The following IQUB variants were observed in gnomAD, a reference collection of about 807,000 sequenced individuals.
IQUB encodes IQ motif and ubiquitin-like domain-containing protein.
Under a neutral mutation model 86.4 loss-of-function variants are expected in IQUB, and 86 were observed. That is an observed-to-expected ratio of 1.00 (90% CI 0.84 to 1.19). IQUB has a LOEUF of 1.19. Among genes scored for constraint, IQUB ranks in the 50% most tolerant of loss-of-function variants. The pLI, the probability that IQUB is intolerant of heterozygous loss-of-function variation, is 0.00. For missense variants in IQUB, 946 were observed against 916.9 expected (o/e 1.03, Z -0.41); for synonymous variants, 289 against 304.5 (o/e 0.95, Z 0.53).
In IQUB at chr7:123,498,004, G is replaced by A. The variant is rs1479579183; in HGVS notation, c.1024-1098C>T. 9.2e-5 allele frequency among the ~76,000 whole-genome samples: 14 copies of A among 151,708 alleles called. No individual in the cohort carries two copies. The East Asian group carries it at 2.7e-3, about 29-fold the overall frequency. On this transcript the variant is annotated intron_variant, in intron 6 of 12. Transcript: ENST00000324698. ...GGATAGGTTCCTCTAAAATAATTAGGCAAGGAGCAACAGAGATATTTGTCC... is the reference window on the plus strand; with the variant it reads ...GGATAGGTTCCTCTAAAATAATTAGACAAGGAGCAACAGAGATATTTGTCC...
intron 3 of IQUB, among the ~76,000 whole-genome samples, chr7:123,503,671 A>T (rs1298013876): frequency 6.6e-6 from 1 of 151,830 alleles, no homozygotes. Context: ...TTTTAAGGAG[A>T]TGGAAAATAT....
At chr7:123,462,855 T>TAAC (rs1251792882) in intron 10 of IQUB, 3 of 454,970 alleles carry the variant, frequency 6.6e-6, no homozygotes, top group Non-Finnish European at 8.8e-6. Flanking sequence ...AAGAAAAAAA[T>TAAC]AACTCATTCT....
chr7:123,524,682 T>C (rs1816852293), intron 1 of IQUB, among the ~76,000 whole-genome samples: 1 of 151,208 alleles, frequency 6.6e-6, no homozygotes, highest in African/African-American at 2.4e-5. Flanking sequence ...CCTAATTGAA[T>C]AGCCTTTATT....
intron 8 of IQUB, among the ~76,000 whole-genome samples, chr7:123,474,879 G>C (rs1340609774): frequency 4.6e-5 from 7 of 152,170 alleles, no homozygotes; most frequent in Non-Finnish European, 1.0e-4. Flanking sequence ...GTAACTGTGG[G>C]TTTAGAACTC....
intron 2 of IQUB, among the ~76,000 whole-genome samples, chr7:123,511,117 T>C (rs1275338276): frequency 6.6e-6 from 1 of 152,188 alleles, no homozygotes; most frequent in Non-Finnish European, 1.5e-5. Context: ...CCTTCTTTTC[T>C]TTCTTTACTT....
At chr7:123,519,435 A>G (rs1267784742) in intron 1 of IQUB, among the ~76,000 whole-genome samples, 1 of 152,248 alleles carries the variant, frequency 6.6e-6, no homozygotes, top group Admixed American at 6.5e-5. Context: ...AAAATGTGGC[A>G]TGTATACACA....
At chr7:123,465,471 T>C (rs897456038) in intron 9 of IQUB, among the ~76,000 whole-genome samples, 6 of 152,024 alleles carry the variant, frequency 3.9e-5, no homozygotes, top group African/African-American at 1.4e-4. Context: ...CATTGGCAAC[T>C]TCCTGTTTAA....
chr7:123,528,875 C>G lies in IQUB; in HGVS notation c.-5+5617G>C, dbSNP rs562795092. On this transcript the variant is annotated intron_variant, in intron 1 of 12. Coordinates refer to ENST00000324698, the MANE Select transcript of IQUB (RefSeq NM_178827.5). Reference sequence around the variant, plus strand: ...GCTAATTTTATTGGTTCCTAATACCCCCTCATATGTACATATTAATATGCT... The same window carrying G: ...GCTAATTTTATTGGTTCCTAATACCGCCTCATATGTACATATTAATATGCT... Among the ~76,000 whole-genome samples, 5 of 152,132 alleles carry G rather than the reference C, an allele frequency of 3.3e-5. No homozygotes were observed. In the South Asian group the frequency reaches 1.0e-3, roughly 32 times the overall value.
chr7:123,513,802 C>A (rs139865007), intron 1 of IQUB, among the ~76,000 whole-genome samples: 2 of 152,100 alleles, frequency 1.3e-5, no homozygotes, highest in Non-Finnish European at 2.9e-5. Flanking sequence ...GTATGTGCTA[C>A]CACACTCAGC....
chr7:123,463,797 T>A (rs752494823), intron 10 of IQUB, among the ~76,000 whole-genome samples: 25 of 151,776 alleles, frequency 1.6e-4, no homozygotes, highest in Non-Finnish European at 3.0e-4. Context: ...AATAAAATGA[T>A]ATAACATTAT....
At position 123,452,771 on chromosome 7, in the gene IQUB, A is replaced by ATCTT. The variant is rs1563420981; in HGVS notation, c.2344_2347dup (p.Ile783LysfsTer19). 2 of 1,613,166 alleles carry ATCTT rather than the reference A, an allele frequency of 1.2e-6. No individual in the cohort carries two copies. Among genetic ancestry groups the ATCTT allele is most frequent in the Non-Finnish European group, 1.7e-6 (2 of 1,179,458 alleles). On this transcript the variant is annotated frameshift_variant, in exon 13 of 13. Transcript: ENST00000324698. LOFTEE classifies it low-confidence loss of function (END_TRUNC). Reference sequence around the variant, plus strand: ...ATGAGGAGGCCTCTGGGATTCTATAATCTTAGGTGTTGTGTCTGAGTGATA... The same window carrying ATCTT: ...ATGAGGAGGCCTCTGGGATTCTATAATCTTTCTTAGGTGTTGTGTCTGAGTGATA...
intron 5 of IQUB, 36 bp from the exon 6 acceptor site, chr7:123,502,788 C>T: frequency 1.8e-5 from 26 of 1,476,988 alleles, no homozygotes; most frequent in Non-Finnish European, 1.9e-5. Context: ...ATCAGTATCC[C>T]CTATATATAT....
At position 123,510,027 on chromosome 7, in the gene IQUB, C is replaced by T; in HGVS notation, c.406G>A (p.Val136Ile). Reference sequence around the variant, plus strand: ...ATTTCCTGGCCCACTGGAATAAGTACAACTTTTACTGTAAATTAAATAGAA... The same window carrying T: ...ATTTCCTGGCCCACTGGAATAAGTATAACTTTTACTGTAAATTAAATAGAA... ...VEDSLATVKV[V>I]LIPVGQEIVI... is the part of the protein sequence containing the mutation. Residue 136 changes from valine to isoleucine, a missense_variant, in exon 3 of 13, where the codon GTA (valine) becomes ATA (isoleucine). By Grantham distance (29) the Val-to-Ile change is conservative (BLOSUM62 3). Transcript: ENST00000324698. The T allele has an allele frequency of 6.4e-7, 1 of 1,550,390 alleles. No individual in the cohort carries two copies. The highest frequency in any genetic ancestry group is 8.8e-7 in the Non-Finnish European group (1 of 1,137,258).
intron 7 of IQUB, among the ~76,000 whole-genome samples, chr7:123,489,940 C>T (rs1274870928): frequency 6.6e-6 from 1 of 151,550 alleles, no homozygotes; most frequent in South Asian, 2.1e-4. Flanking sequence ...AATTTAAATT[C>T]ATAATAGTAA....
At chr7:123,526,163 A>G (rs1248910231) in intron 1 of IQUB, among the ~76,000 whole-genome samples, 1 of 151,818 alleles carries the variant, frequency 6.6e-6, no homozygotes, top group African/African-American at 2.4e-5. Context: ...TGGTGCTGAA[A>G]AAAATGTATA....
At chr7:123,488,689 G>GT (rs1361074850) in intron 7 of IQUB, among the ~76,000 whole-genome samples, 18 of 152,202 alleles carry the variant, frequency 1.2e-4, no homozygotes, top group African/African-American at 4.3e-4. Context: ...AGAGCAATCA[G>GT]TATGAGGCCT....
At chr7:123,507,605 G>A (rs1462108507) in intron 3 of IQUB, among the ~76,000 whole-genome samples, 1 of 152,094 alleles carries the variant, frequency 6.6e-6, no homozygotes, top group Admixed American at 6.5e-5. Context: ...TGAGGGCCAG[G>A]TGCAGTGGCT....
chr7:123,479,142 C>T (rs1159184188), intron 8 of IQUB, among the ~76,000 whole-genome samples: 1 of 151,866 alleles, frequency 6.6e-6, no homozygotes, highest in African/African-American at 2.4e-5. Flanking sequence ...AGAAATGCAC[C>T]CCTTTTCTTC....
intron 1 of IQUB, among the ~76,000 whole-genome samples, chr7:123,518,498 T>G (rs1037356904): frequency 6.6e-6 from 1 of 152,156 alleles, no homozygotes; most frequent in Non-Finnish European, 1.5e-5. Context: ...CCCCTGCCTC[T>G]CTGACCTCAT....
Sources: gnomAD v4.1 joint callset for allele counts (sites outside exome capture counted in the v4.1 genomes callset) on GRCh38, gnomAD v4.1.1 for gene constraint, MANE v1.5 for transcripts, NCBI Gene and HGNC (gene_info 2026-07-23, HGNC 2026-07-21) for gene names.